CCDC88C: variants seen among roughly 807,000 people sequenced by gnomAD.
The protein encoded by CCDC88C is coiled-coil and HOOK domain protein 88C.
A neutral mutation model predicts 198.8 loss-of-function variants in CCDC88C; 131 were observed. The observed-to-expected ratio is 0.66, with a 90% CI of 0.57 to 0.76. CCDC88C has a LOEUF of 0.76. CCDC88C is among the 30% of genes least tolerant of loss of function. The pLI is 0.00. For synonymous variants in CCDC88C, 1,166 were observed against 1,114.7 expected (o/e 1.05, Z -0.92); for missense variants, 2,553 against 2,631.6 (o/e 0.97, Z 0.65).
At position 91,307,078 on chromosome 14, in the gene CCDC88C, A is replaced by C; in HGVS notation, c.3155T>G (p.Leu1052Arg). ...GPGHKEATME[L>R]LRVKDRAIEL... is the part of the protein sequence containing the mutation. ...GATGGCCCGGTCCTTCACTCGGAGA[A>C]GCTCCATGGTGGCTTCCTTATGGCC... Residue 1052 changes from leucine to arginine, a missense_variant, in exon 18 of 30, where the codon CTT (leucine) becomes CGT (arginine). Physicochemically the swap from Leu to Arg is moderately radical, Grantham distance 102 (BLOSUM62 -2). Around this residue, in one of 2 missense-constraint regions of CCDC88C, gnomAD observed 1,260 missense variants for 1,412.0 expected, o/e 0.89. Coordinates refer to ENST00000389857, the MANE Select transcript of CCDC88C (RefSeq NM_001080414.4). The C allele has an allele frequency of 6.2e-7, 1 of 1,613,772 alleles. No individual in the cohort carries two copies. The highest frequency in any genetic ancestry group is 2.2e-5 in the East Asian group (1 of 44,884).
intron 3 of CCDC88C, among the ~76,000 whole-genome samples, chr14:91,401,893 C>G (rs1312198523): frequency 6.6e-6 from 1 of 152,138 alleles, no homozygotes. Flanking sequence ...TGGACTAAAC[C>G]CTCTAGACCA....
chr14:91,288,441 T>G lies in CCDC88C; in HGVS notation c.4441+664A>C, dbSNP rs772530735. Reference sequence around the variant, plus strand: ...GGTCTTATATACATGGAGAACGTGTTGAGTGCACCTGGGATCTCCCTGCAC... The same window carrying G: ...GGTCTTATATACATGGAGAACGTGTGGAGTGCACCTGGGATCTCCCTGCAC... On this transcript the variant is annotated intron_variant, in intron 25 of 29. Coordinates refer to ENST00000389857, the MANE Select transcript of CCDC88C (RefSeq NM_001080414.4). The surrounding 1 kb of genome is among the most constrained non-coding windows in gnomAD (Gnocchi z 4.2). Among the ~76,000 whole-genome samples the G allele has an allele frequency of 6.6e-5, 10 of 152,204 alleles. No homozygotes were observed. The highest frequency in any genetic ancestry group is 1.5e-4 in the Non-Finnish European group (10 of 68,024).
chr14:91,355,269 C>G (rs1168559600), intron 4 of CCDC88C, among the ~76,000 whole-genome samples: 1 of 152,100 alleles, frequency 6.6e-6, no homozygotes, highest in African/African-American at 2.4e-5. Flanking sequence ...AGCGCAGACA[C>G]GGGTAAGAGG....
At chr14:91,329,588 T>C (rs1430401355) in intron 10 of CCDC88C, among the ~76,000 whole-genome samples, 1 of 152,164 alleles carries the variant, frequency 6.6e-6, no homozygotes, top group Non-Finnish European at 1.5e-5. Context: ...CATCAAGTCA[T>C]TCACAGGCAA....
intron 3 of CCDC88C, among the ~76,000 whole-genome samples, chr14:91,401,071 A>G (rs1886140795): frequency 6.6e-6 from 1 of 151,716 alleles, no homozygotes; most frequent in Non-Finnish European, 1.5e-5. Flanking sequence ...AATGAAAAAA[A>G]GGCAGGTTAC....
chr14:91,408,706 T>C lies in CCDC88C; in HGVS notation c.223A>G (p.Ile75Val), dbSNP rs1362934057. 3.1e-6 allele frequency: 5 copies of C among 1,613,818 alleles called. No individual in the cohort carries two copies. The highest frequency in any genetic ancestry group is 4.5e-5 in the East Asian group (2 of 44,902). ...CTCACCAAGATGGTCAAATTCTGAATGCGAAGGTTCACATCATTGTTGACG... is the reference window on the plus strand; with the variant it reads ...CTCACCAAGATGGTCAAATTCTGAACGCGAAGGTTCACATCATTGTTGACG... ...KHVNNDVNLR[I>V]QNLTILVRNI... The change falls in exon 3 of 30, where the codon ATT (isoleucine) becomes GTT (valine). Residue 75 changes from isoleucine to valine, a missense_variant. By Grantham distance (29) the Ile-to-Val change is conservative (BLOSUM62 3). This residue lies in a region of CCDC88C where 1,260 missense variants were observed against 1,412.0 expected (regional missense o/e 0.89). Transcript: ENST00000389857.
intron 2 of CCDC88C, among the ~76,000 whole-genome samples, chr14:91,414,392 GT>G (rs1264864343): frequency 6.6e-6 from 1 of 152,186 alleles, no homozygotes; most frequent in Non-Finnish European, 1.5e-5. Flanking sequence ...AGCTGGCTAT[GT>G]AGGCTGTCCG....
At chr14:91,346,098 G>A (rs1893535363) in intron 4 of CCDC88C, among the ~76,000 whole-genome samples, 1 of 152,178 alleles carries the variant, frequency 6.6e-6, no homozygotes, top group Admixed American at 6.5e-5. Flanking sequence ...CCAAACCGCC[G>A]TCCTGAGAAC....
chr14:91,292,241 C>T (rs1016944988), intron 23 of CCDC88C, among the ~76,000 whole-genome samples: 1 of 152,184 alleles, frequency 6.6e-6, no homozygotes, highest in Non-Finnish European at 1.5e-5. Flanking sequence ...GAGCCTTAAG[C>T]CTTGAGTGCT....
At chr14:91,289,049 GACCCTTCAGGAC>G (rs1354982810) in intron 25 of CCDC88C, 44 bp downstream of exon 25, 3 of 1,439,314 alleles carry the variant, frequency 2.1e-6, no homozygotes, top group Non-Finnish European at 2.9e-6. Flanking sequence ...ACCGGTGCGG[GACCCTTCAGGAC>G]ACCCCCTTCC....
At chr14:91,361,611 C>T (rs1159030196) in intron 3 of CCDC88C, among the ~76,000 whole-genome samples, 2 of 152,188 alleles carry the variant, frequency 1.3e-5, no homozygotes, top group East Asian at 3.8e-4. Context: ...TCACATTTCT[C>T]CATTATCCAG....
chr14:91,335,581 C>A (rs978888945), intron 10 of CCDC88C, among the ~76,000 whole-genome samples: 4 of 152,112 alleles, frequency 2.6e-5, no homozygotes, highest in African/African-American at 9.7e-5. Context: ...TGACCCCCAG[C>A]ACAGCACTGA....
chr14:91,273,651 G>C lies in CCDC88C; in HGVS notation c.5061C>G (p.Asp1687Glu), dbSNP rs1285039411. 6.8e-7 allele frequency: 1 copy of C among 1,471,130 alleles called. No homozygotes were observed. Among genetic ancestry groups the C allele is most frequent in the Non-Finnish European group, 9.0e-7 (1 of 1,109,900 alleles). The allele number at this position is 1,471,130 out of a possible 1,614,324, so 91.1% of individuals were successfully genotyped here. ...EESNRSSPTH[D>E]TPSCRDDLLS... ...GCAGGTCATCCCGGCAACTGGGAGT[G>C]TCCTACGGAGAAGAGAGTGAAGGTT... The change falls in exon 30 of 30, where the codon GAC (aspartate) becomes GAG (glutamate). Residue 1687 changes from aspartate (D) to glutamate (E), a missense_variant and splice_region_variant. By Grantham distance (45) the Asp-to-Glu change is conservative (BLOSUM62 2). Transcript: ENST00000389857. This position sits in a 1 kb window ranked among gnomAD's most constrained non-coding sequence, Gnocchi z 5.6.
chr14:91,322,303 A>T (rs1160135009), intron 12 of CCDC88C, among the ~76,000 whole-genome samples: 3 of 152,166 alleles, frequency 2.0e-5, no homozygotes. Context: ...GGGTGATCAT[A>T]AAGACTGAAC....
chr14:91,356,449 CCA>C (rs1567095804), intron 4 of CCDC88C, among the ~76,000 whole-genome samples: 1 of 152,172 alleles, frequency 6.6e-6, no homozygotes, highest in Admixed American at 6.5e-5. Context: ...CCCTCACTGT[CCA>C]GTTTCTCCAA....
intron 2 of CCDC88C, among the ~76,000 whole-genome samples, chr14:91,413,361 C>T (rs1318850411): frequency 6.6e-6 from 1 of 152,202 alleles, no homozygotes; most frequent in Admixed American, 6.5e-5. Context: ...GAAATCAAGG[C>T]TTAGAGAGTT....
rs369384363 is a variant in CCDC88C at position 91,338,121 on chromosome 14, G to C, written c.934C>G (p.Arg312Gly). 11 of 1,613,780 alleles carry C rather than the reference G, an allele frequency of 6.8e-6. No individual in the cohort carries two copies. The highest frequency in any genetic ancestry group is 8.5e-6 in the Non-Finnish European group (10 of 1,179,892). ...TCCCGCAGGGAATCCAGCTCGTCTCGATAGGCACGAGCAGACCGGGCGTCT... is the reference window on the plus strand; with the variant it reads ...TCCCGCAGGGAATCCAGCTCGTCTCCATAGGCACGAGCAGACCGGGCGTCT... ...AADARSARAY[R>G]DELDSLREKA... Residue 312 changes from arginine to glycine, a missense_variant, in exon 10 of 30, where the codon CGA becomes GGA. Physicochemically the swap from Arg to Gly is moderately radical, Grantham distance 125. Coordinates refer to ENST00000389857, the MANE Select transcript of CCDC88C (RefSeq NM_001080414.4). This position sits in a 1 kb window ranked among gnomAD's most constrained non-coding sequence, Gnocchi z 4.8.
chr14:91,341,720 CCT>C (rs1893317234), intron 6 of CCDC88C, among the ~76,000 whole-genome samples: 2 of 152,204 alleles, frequency 1.3e-5, no homozygotes, highest in East Asian at 3.8e-4. Flanking sequence ...GATACCGCCC[CCT>C]AGGGTGGGCG....
chr14:91,335,254 A>T (rs1171362721), intron 10 of CCDC88C, among the ~76,000 whole-genome samples: 1 of 152,142 alleles, frequency 6.6e-6, no homozygotes. Context: ...CTGAGTGCTT[A>T]AATGTTCTGA....
Sources: gnomAD v4.1 joint callset for allele counts (sites outside exome capture counted in the v4.1 genomes callset) on GRCh38, gnomAD v4.1.1 for gene constraint, gnomAD v4.1.1 regional missense constraint, Gnocchi (gnomAD v3.1) non-coding constraint, MANE v1.5 for transcripts, NCBI Gene and HGNC (gene_info 2026-07-23, HGNC 2026-07-21) for gene names.